The following MMP17 variants were observed in gnomAD, a reference collection of about 807,000 sequenced individuals.
The protein encoded by MMP17 is matrix metallopeptidase 17.
MMP17 carries 54 observed loss-of-function variants against 49.1 expected under a neutral mutation model. That is an observed-to-expected ratio of 1.10 (90% CI 0.88 to 1.38). The LOEUF is 1.38. Among genes scored for constraint, MMP17 ranks in the 40% most tolerant of loss-of-function variants. The pLI, the probability that MMP17 is intolerant of heterozygous loss-of-function variation, is 0.00. For synonymous variants in MMP17, 397 were observed against 383.1 expected (o/e 1.04, Z -0.42); for missense variants, 837 against 853.7 (o/e 0.98, Z 0.24).
intron 1 of MMP17, among the ~76,000 whole-genome samples, chr12:131,833,991 C>A (rs551198381): frequency 2.6e-5 from 4 of 152,258 alleles, no homozygotes; most frequent in Non-Finnish European, 5.9e-5. Flanking sequence ...GAAACAGATA[C>A]GCATTGTGTC....
chr12:131,841,100 G>A (rs1396209112), intron 4 of MMP17, among the ~76,000 whole-genome samples: 3 of 152,228 alleles, frequency 2.0e-5, no homozygotes, highest in Admixed American at 6.5e-5. Context: ...TCCTCATCAC[G>A]TTCTCAGCAC....
At chr12:131,834,643 G>A (rs994984204) in intron 1 of MMP17, among the ~76,000 whole-genome samples, 19 of 152,110 alleles carry the variant, frequency 1.2e-4, no homozygotes, top group Non-Finnish European at 8.8e-5. Flanking sequence ...CCTGGCGGGA[G>A]AGGAGGGGTG....
chr12:131,834,199 G>A, intron 1 of MMP17, among the ~76,000 whole-genome samples: 1 of 152,206 alleles, frequency 6.6e-6, no homozygotes, highest in Non-Finnish European at 1.5e-5. Flanking sequence ...CCTCTCCTAG[G>A]CAGCTCCAGA....
intron 1 of MMP17, among the ~76,000 whole-genome samples, chr12:131,833,965 C>T (rs538495511): frequency 9.2e-5 from 14 of 152,378 alleles, no homozygotes; most frequent in African/African-American, 3.1e-4. Context: ...GTGTGCATTA[C>T]GCCCTCTTAA....
chr12:131,844,759 T>C (rs1887605219), intron 6 of MMP17: 1 of 326,022 alleles, frequency 3.1e-6, no homozygotes, highest in Admixed American at 4.2e-5. Flanking sequence ...AACACGCTTC[T>C]TGTAGGACCG....
intron 9 of MMP17, among the ~76,000 whole-genome samples, chr12:131,850,492 C>T (rs993930481): frequency 1.3e-5 from 2 of 152,222 alleles, no homozygotes; most frequent in African/African-American, 4.8e-5. Context: ...CCAGGGACGG[C>T]AGCATCCTCT....
chr12:131,848,566 C>T (rs1314899950), intron 8 of MMP17, among the ~76,000 whole-genome samples: 1 of 152,126 alleles, frequency 6.6e-6, no homozygotes, highest in African/African-American at 2.4e-5. Flanking sequence ...AACACGGATG[C>T]CCCGCCCCGC....
intron 1 of MMP17, among the ~76,000 whole-genome samples, chr12:131,831,655 T>C (rs67277183): frequency 0.064 from 9,726 of 150,916 alleles, 436 homozygotes; most frequent in Non-Finnish European, 0.1. Context: ...GACAGCCGTC[T>C]TCATGGCTCC....
chr12:131,834,471 A>G (rs1194351305), intron 1 of MMP17, among the ~76,000 whole-genome samples: 2 of 151,970 alleles, frequency 1.3e-5, no homozygotes, highest in Non-Finnish European at 1.5e-5. Context: ...CCAGGATCAG[A>G]CGCCCCCCTG....
intron 9 of MMP17, 132 bp downstream of exon 9, chr12:131,850,191 G>C (rs972302388): frequency 3.9e-6 from 5 of 1,285,832 alleles, no homozygotes; most frequent in Non-Finnish European, 5.2e-6. Flanking sequence ...GAGGGTCCCA[G>C]CCCCTCGCCT....
At chr12:131,839,208 C>T (rs547216218) in intron 3 of MMP17, among the ~76,000 whole-genome samples, 23 of 152,272 alleles carry the variant, frequency 1.5e-4, no homozygotes, top group South Asian at 6.2e-4. Context: ...GCCCTGTCCG[C>T]GCGCAGCCTC....
At chr12:131,838,381 C>T (rs554646707) in intron 2 of MMP17, 54 bp downstream of exon 2, 13 of 1,590,598 alleles carry the variant, frequency 8.2e-6, no homozygotes, top group South Asian at 4.5e-5. Flanking sequence ...GGTCTGCGCC[C>T]GTCGGCCATG....
intron 8 of MMP17, among the ~76,000 whole-genome samples, 196 bp downstream of exon 8, chr12:131,845,645 T>C (rs543805106): frequency 6.6e-6 from 1 of 152,186 alleles, no homozygotes; most frequent in Non-Finnish European, 1.5e-5. Context: ...AGGCAGCCGC[T>C]GTAGGCACAC....
intron 1 of MMP17, among the ~76,000 whole-genome samples, chr12:131,837,403 G>A (rs1022722783): frequency 6.6e-6 from 1 of 152,170 alleles, no homozygotes; most frequent in African/African-American, 2.4e-5. Context: ...GGGATCTCAG[G>A]CATAAGCCAC....
intron 1 of MMP17, among the ~76,000 whole-genome samples, chr12:131,830,368 G>C (rs1886728141): frequency 6.6e-6 from 1 of 152,242 alleles, no homozygotes; most frequent in Non-Finnish European, 1.5e-5. Flanking sequence ...CGGGGGCAGT[G>C]AGTGGGGCCC....
chr12:131,843,410 T>TA (rs1337515985), intron 5 of MMP17, among the ~76,000 whole-genome samples: 1 of 151,652 alleles, frequency 6.6e-6, no homozygotes, highest in African/African-American at 2.4e-5. Context: ...CACACCTGGC[T>TA]AATTTTTAGA....
chr12:131,850,164 C>T (rs533130302), intron 9 of MMP17, 105 bp downstream of exon 9: 13 of 1,414,934 alleles, frequency 9.2e-6, no homozygotes, highest in African/African-American at 4.3e-5. Context: ...AGGACGGCCC[C>T]GGTCGGTGTG....
chr12:131,851,027 T>C lies in MMP17; in HGVS notation c.1565T>C (p.Val522Ala). The change falls in exon 10 of 10, where the codon GTG becomes GCG. Residue 522 changes from valine (V) to alanine (A), a missense_variant. Physicochemically the swap from Val to Ala is moderately conservative, Grantham distance 64. Coordinates refer to ENST00000360564, the MANE Select transcript of MMP17 (RefSeq NM_016155.7). ...CAGTCCACGGCCCGGGACTGGCTGGTGTGTGGAGACTCACAGGCCGATGGA... is the reference window on the plus strand; with the variant it reads ...CAGTCCACGGCCCGGGACTGGCTGGCGTGTGGAGACTCACAGGCCGATGGA... ...YPQSTARDWL[V>A]CGDSQADGSV... 1 of 1,598,326 alleles carries C rather than the reference T, an allele frequency of 6.3e-7. No homozygotes were observed. Among genetic ancestry groups the C allele is most frequent in the Non-Finnish European group, 8.5e-7 (1 of 1,173,752 alleles).
At chr12:131,845,905 C>G (rs1887680984) in intron 8 of MMP17, among the ~76,000 whole-genome samples, 1 of 152,182 alleles carries the variant, frequency 6.6e-6, no homozygotes, top group African/African-American at 2.4e-5. Context: ...GCTGGAGTAC[C>G]AGGGGCCTGG....
Sources: allele counts gnomAD v4.1 joint callset (sites outside exome capture counted in the v4.1 genomes callset), GRCh38; gene constraint gnomAD v4.1.1; transcripts MANE v1.5; gene names NCBI Gene and HGNC (gene_info 2026-07-23, HGNC 2026-07-21).